Variants in DYNC2I1 observed in about 807,000 individuals in gnomAD.
DYNC2I1 encodes cytoplasmic dynein 2 intermediate chain 1.
A neutral mutation model predicts 133.4 loss-of-function variants in DYNC2I1; 89 were observed. That is an observed-to-expected ratio of 0.67 (90% CI 0.56 to 0.80). The LOEUF is 0.80. DYNC2I1 is among the 30% of genes least tolerant of loss of function. The pLI is 0.00. For synonymous variants in DYNC2I1, 504 were observed against 484.3 expected (o/e 1.04, Z -0.54); for missense variants, 1,291 against 1,314.5 (o/e 0.98, Z 0.28).
chr7:158,915,382 CGT>C lies in DYNC2I1; in HGVS notation c.1791+1062_1791+1063del, dbSNP rs1563161673. 6.2e-3 allele frequency among the ~76,000 whole-genome samples: 682 copies of C among 109,552 alleles called. 8 individuals are homozygous for C. Among genetic ancestry groups the C allele is most frequent in the African/African-American group, 9.0e-3 (287 of 31,936 alleles). 71.9% of individuals were successfully genotyped at this position (109,552 alleles called of 152,430 possible). On this transcript the variant is annotated intron_variant, in intron 14 of 24. Transcript: ENST00000407559. Reference sequence around the variant, plus strand: ...GTTGACATTAAGGATGATTGTGAAACGTCGACATGCTGGTTGACATTAAGGAT... The same window carrying C: ...GTTGACATTAAGGATGATTGTGAAACCGACATGCTGGTTGACATTAAGGAT...
chr7:158,957,276 T>C (rs1350710486), downstream of DYNC2I1, among the ~76,000 whole-genome samples: 1 of 152,234 alleles, frequency 6.6e-6, no homozygotes, highest in Non-Finnish European at 1.5e-5. Flanking sequence ...TTCCAACCTC[T>C]GCGGCGCTGG....
intron 11 of DYNC2I1, among the ~76,000 whole-genome samples, chr7:158,907,732 C>T (rs1281962851): frequency 6.6e-6 from 1 of 152,166 alleles, no homozygotes; most frequent in African/African-American, 2.4e-5. Flanking sequence ...CCTCAGCCTC[C>T]TGAGTAGCTG....
At chr7:158,862,384 C>G (rs1335311997) in intron 1 of DYNC2I1, among the ~76,000 whole-genome samples, 1 of 152,046 alleles carries the variant, frequency 6.6e-6, no homozygotes, top group Non-Finnish European at 1.5e-5. Flanking sequence ...CATCACTGAA[C>G]TGCAGGTTAC....
chr7:158,930,449 T>C lies in DYNC2I1; in HGVS notation c.2486-6T>C, dbSNP rs1850106112. ...GGTGCATTGATTTTGGTTCATCTCT[T>C]TTTAGGTCTGATGCCTGGAGGGAGG... On this transcript the variant is annotated splice_region_variant and splice_polypyrimidine_tract_variant and intron_variant, in intron 20 of 24. Transcript: ENST00000407559. 6.2e-7 allele frequency: 1 copy of C among 1,611,094 alleles called. No individual in the cohort carries two copies. The highest frequency in any genetic ancestry group is 8.5e-7 in the Non-Finnish European group (1 of 1,178,746).
chr7:158,916,177 G>T (rs369378834), intron 14 of DYNC2I1, among the ~76,000 whole-genome samples: 9 of 74,690 alleles, frequency 1.2e-4, no homozygotes, highest in East Asian at 5.9e-4. Context: ...GTGAAACGTC[G>T]ACACGCTGGT....
At position 158,918,816 on chromosome 7, in the gene DYNC2I1, T is replaced by A; in HGVS notation, c.1868T>A (p.Leu623Gln). ...AATCTTAGGGCTCAAGACAGGGCCC[T>A]GTATTTTAGTGACAGCTCATCTCAG... The part of the protein sequence containing the change: ...SWNLRAQDRA[L>Q]YFSDSSSQLN... The change falls in exon 15 of 25, where the codon CTG becomes CAG. Residue 623 changes from leucine to glutamine, a missense_variant. Physicochemically the swap from Leu to Gln is moderately radical, Grantham distance 113 (BLOSUM62 -2). Transcript: ENST00000407559. 1 of 1,613,938 alleles carries A rather than the reference T, an allele frequency of 6.2e-7. No homozygotes were observed. The highest frequency in any genetic ancestry group is 2.2e-5 in the East Asian group (1 of 44,882).
chr7:158,950,713 C>T (rs1252527339), downstream of DYNC2I1, among the ~76,000 whole-genome samples: 1 of 149,884 alleles, frequency 6.7e-6, no homozygotes, highest in Non-Finnish European at 1.5e-5. Flanking sequence ...CTATATGATT[C>T]CAGGTGTTCT....
chr7:158,948,980 G>A (rs963733361), downstream of DYNC2I1, among the ~76,000 whole-genome samples: 9 of 152,142 alleles, frequency 5.9e-5, no homozygotes, highest in Admixed American at 3.3e-4. Context: ...CGCTAATCTC[G>A]GACTGACTCC....
At chr7:158,870,585 C>T (rs1314572985) in intron 2 of DYNC2I1, among the ~76,000 whole-genome samples, 1 of 152,022 alleles carries the variant, frequency 6.6e-6, no homozygotes, top group African/African-American at 2.4e-5. Context: ...GTTGCTTGGG[C>T]TAGTCTTGAA....
Position 158,945,949 on chromosome 7 carries a change from T to A in DYNC2I1, c.*170T>A. 1 of 617,492 alleles carries A rather than the reference T, an allele frequency of 1.6e-6. No individual in the cohort carries two copies. Among genetic ancestry groups the A allele is most frequent in the Non-Finnish European group, 2.4e-6 (1 of 413,688 alleles). 38.3% of individuals were successfully genotyped at this position (617,492 alleles called of 1,614,324 possible). A position where few individuals can be genotyped will look rare whatever the true frequency, so the allele number is the denominator to read the frequency against. ...TTGGTATTCCCAGTAAATAGATGAC[T>A]ACTTTTGAGTGGAAACAAAGAACAT... On this transcript the variant is annotated 3_prime_UTR_variant, in exon 25 of 25. Coordinates refer to ENST00000407559, the MANE Select transcript of DYNC2I1 (RefSeq NM_018051.5). The surrounding 1 kb of genome is among the most constrained non-coding windows in gnomAD (Gnocchi z 4.1).
At chr7:158,887,907 CT>C (rs763924838) in intron 7 of DYNC2I1, among the ~76,000 whole-genome samples, 12 of 151,560 alleles carry the variant, frequency 7.9e-5, no homozygotes, top group Non-Finnish European at 1.6e-4. Context: ...TCTCCACAGT[CT>C]TCATTATCTT....
At position 158,923,564 on chromosome 7, in the gene DYNC2I1, C is replaced by A. The variant is rs748480879; in HGVS notation, c.2095-7C>A. 8.1e-6 allele frequency: 13 copies of A among 1,613,912 alleles called. No individual in the cohort carries two copies. Among genetic ancestry groups the A allele is most frequent in the Non-Finnish European group, 1.1e-5 (13 of 1,179,904 alleles). On this transcript the variant is annotated splice_polypyrimidine_tract_variant and splice_region_variant and intron_variant, in intron 16 of 24. Transcript: ENST00000407559. ...TGTCATTGGCTTTCTGTGCCTTTGT[C>A]TTTTAGGTCACGTGTTGCTGCTTGA...
Position 158,923,457 on chromosome 7 carries a change from G to C in DYNC2I1, c.2095-114G>C, listed in dbSNP as rs143241793. ...ACGTTCTGCTTACTGGGCCCTGCAG[G>C]TGACTCCCGTGCAAAGTGAAACATG... On this transcript the variant is annotated intron_variant, in intron 16 of 24. Transcript: ENST00000407559. 3.3e-4 allele frequency: 472 copies of C among 1,411,436 alleles called. 4 individuals are homozygous for C. In the East Asian group the frequency reaches 0.01, roughly 31 times the overall value. The allele number at this position is 1,411,436 out of a possible 1,614,324, so 87.4% of individuals were successfully genotyped here.
chr7:158,905,020 C>A, intron 10 of DYNC2I1: 1 of 311,492 alleles, frequency 3.2e-6, no homozygotes, highest in Admixed American at 4.5e-5. Context: ...CAAATAAATA[C>A]ACAGGTAAGT....
chr7:158,955,978 C>T (rs1214206341), intron 4 of DYNC2I1, among the ~76,000 whole-genome samples: 1 of 152,248 alleles, frequency 6.6e-6, no homozygotes, highest in Non-Finnish European at 1.5e-5. Flanking sequence ...AACTGTCTTG[C>T]AGATTTTCTG....
At chr7:158,839,392 G>C in the DYNC2I1 span, among the ~76,000 whole-genome samples, 1 of 148,458 alleles carries the variant, frequency 6.7e-6, no homozygotes, top group Non-Finnish European at 1.5e-5. Flanking sequence ...AAAACCTAAA[G>C]AGGATGCTAA....
chr7:158,860,355 C>T (rs1019601118), intron 1 of DYNC2I1, among the ~76,000 whole-genome samples: 10 of 152,078 alleles, frequency 6.6e-5, no homozygotes, highest in African/African-American at 2.2e-4. Context: ...CATCTCACCC[C>T]GCTGGTATTA....
At chr7:158,903,989 C>T (rs1269138414) in intron 10 of DYNC2I1, 1 of 152,234 alleles carries the variant, frequency 6.6e-6, no homozygotes, top group Non-Finnish European at 1.5e-5. Context: ...ATACACATTG[C>T]TCCAGGTAAA....
chr7:158,872,199 C>G (rs1395961139), intron 3 of DYNC2I1, among the ~76,000 whole-genome samples: 2 of 152,132 alleles, frequency 1.3e-5, no homozygotes, highest in Admixed American at 6.6e-5. Flanking sequence ...GCCTGTAGTT[C>G]TAGCTATTTG....
Sources: allele counts gnomAD v4.1 joint callset (sites outside exome capture counted in the v4.1 genomes callset), GRCh38; gene constraint gnomAD v4.1.1; non-coding constraint Gnocchi (gnomAD v3.1); transcripts MANE v1.5; gene names NCBI Gene and HGNC (gene_info 2026-07-23, HGNC 2026-07-21).